GPM6B: variants seen among roughly 807,000 people sequenced by gnomAD.
GPM6B encodes the protein neuronal membrane glycoprotein M6-b.
GPM6B carries 4 observed loss-of-function variants against 27.2 expected under a neutral mutation model. The ratio of observed to expected loss-of-function variants is 0.15; its 90% CI spans 0.07 to 0.34. The LOEUF is 0.34. GPM6B is among the 10% of genes least tolerant of loss of function. GPM6B has a pLI of 1.00. For synonymous variants in GPM6B, 124 were observed against 103.1 expected (o/e 1.20, Z -1.23); for missense variants, 183 against 261.9 (o/e 0.70, Z 2.08).
intron 1 of GPM6B, among the ~76,000 whole-genome samples, chrX:13,916,449 T>C (rs2050429161): frequency 9.0e-6 from 1 of 111,285 alleles, no homozygotes; most frequent in South Asian, 3.9e-4. Flanking sequence ...TATTCCCTGC[T>C]TGTCTCAAAT....
At chrX:13,930,806 A>C (rs1290611901) in intron 1 of GPM6B, among the ~76,000 whole-genome samples, 2 of 112,517 alleles carry the variant, frequency 1.8e-5, no homozygotes, top group South Asian at 3.6e-4. Flanking sequence ...TCTGCTAAAG[A>C]AATACACTTC....
intron 1 of GPM6B, among the ~76,000 whole-genome samples, chrX:13,838,537 G>C (rs759343964): frequency 2.0e-4 from 22 of 111,874 alleles, no homozygotes; most frequent in Non-Finnish European, 3.6e-4. Context: ...CTTCATACAA[G>C]CTCCAGTTCC....
At chrX:13,931,358 G>C (rs912825974) in intron 1 of GPM6B, among the ~76,000 whole-genome samples, 1 of 109,018 alleles carries the variant, frequency 9.2e-6, no homozygotes, top group Non-Finnish European at 1.9e-5. Context: ...CATGGTGGTG[G>C]GCGCCTGTAG....
At chrX:13,828,288 T>A (rs985048286) in intron 1 of GPM6B, among the ~76,000 whole-genome samples, 3 of 110,826 alleles carry the variant, frequency 2.7e-5, no homozygotes, top group Non-Finnish European at 5.7e-5. Context: ...AATAAATTAA[T>A]GTGTTAATGG....
At chrX:13,804,980 GCCT>G (rs1278903159) in intron 2 of GPM6B, among the ~76,000 whole-genome samples, 1 of 110,896 alleles carries the variant, frequency 9.0e-6, no homozygotes, top group African/African-American at 3.3e-5. Context: ...TCACTCTGTG[GCCT>G]GCGCTGTAGG....
chrX:13,794,993 T>G (rs2048783300), intron 2 of GPM6B, among the ~76,000 whole-genome samples: 1 of 112,194 alleles, frequency 8.9e-6, no homozygotes, highest in Admixed American at 9.4e-5. Flanking sequence ...TTCCCAAAAA[T>G]GAACAGCTTG....
chrX:13,829,396 T>C (rs921083842), intron 1 of GPM6B, among the ~76,000 whole-genome samples: 4 of 112,132 alleles, frequency 3.6e-5, no homozygotes, highest in African/African-American at 9.7e-5. Flanking sequence ...CACCTCAGCA[T>C]GATACCTCCT....
chrX:13,792,383 A>G (rs1432261477), intron 2 of GPM6B, among the ~76,000 whole-genome samples: 1 of 111,597 alleles, frequency 9.0e-6, no homozygotes, highest in Non-Finnish European at 1.9e-5. Context: ...AAACATCTAC[A>G]TCGTTTAGAC....
At chrX:13,785,909 C>A (rs2048604567) in intron 2 of GPM6B, 101 bp from the exon 3 acceptor site, 3 of 639,700 alleles carry the variant, frequency 4.7e-6, no homozygotes, top group Non-Finnish European at 7.2e-6. Context: ...TTTTCCATCT[C>A]CCCTCTCAGG....
At chrX:13,775,496 C>T (rs775649294) in intron 7 of GPM6B, among the ~76,000 whole-genome samples, 2 of 112,377 alleles carry the variant, frequency 1.8e-5, no homozygotes, top group Non-Finnish European at 3.8e-5. Context: ...CTTAAAATGG[C>T]TCCCAAGCAT....
intron 1 of GPM6B, among the ~76,000 whole-genome samples, chrX:13,927,724 T>C (rs759769191): frequency 8.9e-6 from 1 of 112,975 alleles, no homozygotes; most frequent in Non-Finnish European, 1.9e-5. Flanking sequence ...AGCATTCACG[T>C]TGATCAAATC....
At chrX:13,773,979 T>TC (rs1555909937) in intron 7 of GPM6B, 50 of 688,667 alleles carry the variant, frequency 7.3e-5, no homozygotes, top group African/African-American at 5.3e-4. Flanking sequence ...TTTTTTTTTT[T>TC]CCAGAGAACT....
Position 13,921,218 on chromosome X carries a change from A to C in GPM6B, c.-198+17109T>G, listed in dbSNP as rs145451103. 6.9e-3 allele frequency among the ~76,000 whole-genome samples: 770 copies of C among 112,343 alleles called. 6 individuals are homozygous for C. The highest frequency in any genetic ancestry group is 0.023 in the African/African-American group (708 of 30,952). On this transcript the variant is annotated intron_variant, in intron 1 of 6. Transcript: ENST00000398361. ...ATCAGGAAAAGATTTGTCCTGAAAGATGCCCTTCAGAAAGTACCTCCTGAA... is the reference window on the plus strand; with the variant it reads ...ATCAGGAAAAGATTTGTCCTGAAAGCTGCCCTTCAGAAAGTACCTCCTGAA...
intron 1 of GPM6B, among the ~76,000 whole-genome samples, chrX:13,886,459 A>G (rs756320422): frequency 9.1e-6 from 1 of 110,052 alleles, no homozygotes; most frequent in Non-Finnish European, 1.9e-5. Flanking sequence ...GGCAGTATTT[A>G]TAAGTTCCCA....
At chrX:13,784,208 G>T (rs925456744) in intron 3 of GPM6B, among the ~76,000 whole-genome samples, 1 of 112,886 alleles carries the variant, frequency 8.9e-6, no homozygotes, top group Non-Finnish European at 1.9e-5. Flanking sequence ...CTGGTACCTG[G>T]ATCCCGCCCC....
chrX:13,904,427 T>A (rs1950963414), intron 1 of GPM6B, among the ~76,000 whole-genome samples: 1 of 111,824 alleles, frequency 8.9e-6, no homozygotes, highest in South Asian at 3.8e-4. Flanking sequence ...ACAGATAGAT[T>A]TTTTTTCCTA....
At chrX:13,894,646 G>A (rs754673135) in intron 1 of GPM6B, among the ~76,000 whole-genome samples, 1 of 112,323 alleles carries the variant, frequency 8.9e-6, no homozygotes, top group Non-Finnish European at 1.9e-5. Context: ...ATTTGCTACC[G>A]ATTATTTACA....
chrX:13,908,447 G>A (rs895725226), intron 1 of GPM6B, among the ~76,000 whole-genome samples: 5 of 111,965 alleles, frequency 4.5e-5, no homozygotes, highest in East Asian at 2.8e-4. Context: ...TACCTGACTC[G>A]TACTCTTCAA....
intron 5 of GPM6B, among the ~76,000 whole-genome samples, chrX:13,779,439 G>T (rs1367531757): frequency 8.9e-6 from 1 of 112,106 alleles, no homozygotes; most frequent in Non-Finnish European, 1.9e-5. Flanking sequence ...TATACAATGT[G>T]TGCAATATTA....
Sources: gnomAD v4.1 joint callset for allele counts (sites outside exome capture counted in the v4.1 genomes callset) on GRCh38, gnomAD v4.1.1 for gene constraint, MANE v1.5 for transcripts, NCBI Gene and HGNC (gene_info 2026-07-23, HGNC 2026-07-21) for gene names.